Variants in ARHGEF4 observed in about 807,000 individuals in gnomAD.
ARHGEF4 encodes APC-stimulated guanine nucleotide exchange factor 1.
A neutral mutation model predicts 162.0 loss-of-function variants in ARHGEF4; 119 were observed. The ratio of observed to expected loss-of-function variants is 0.73; its 90% CI spans 0.63 to 0.86. The LOEUF (loss-of-function observed/expected upper bound fraction) is 0.86. ARHGEF4 is among the 40% of genes least tolerant of loss of function. ARHGEF4 has a pLI of 0.00. For missense variants in ARHGEF4, 2,488 were observed against 2,456.0 expected (o/e 1.01, Z -0.28); for synonymous variants, 1,014 against 979.9 (o/e 1.03, Z -0.65).
intron 4 of ARHGEF4, among the ~76,000 whole-genome samples, chr2:130,994,786 C>T (rs1021234782): frequency 5.9e-5 from 9 of 152,122 alleles, no homozygotes; most frequent in Non-Finnish European, 8.8e-5. Context: ...TTGTTTTCTT[C>T]TTATCTGAAA....
At position 131,040,036 on chromosome 2, in the gene ARHGEF4, G is replaced by A. The variant is rs567037996; in HGVS notation, c.4326G>A (p.Glu1442=). The A allele has an allele frequency of 1.9e-6, 3 of 1,568,044 alleles. No individual in the cohort carries two copies. The highest frequency in any genetic ancestry group is 2.4e-5 in the East Asian group (1 of 41,656). The change falls in exon 7 of 14, where the codon GAG becomes GAA. Residue 1442 remains glutamate, a synonymous_variant. Coordinates refer to ENST00000409359, the MANE Select transcript of ARHGEF4 (RefSeq NM_001367493.1). ...SFVRLRVNQD[E]PADDDAPLAG... Reference sequence around the variant, plus strand: ...TGCAGCTGAGGGTGAATCAGGACGAGCCCGCGGATGACGACGCCCCTCTGG... The same window carrying A: ...TGCAGCTGAGGGTGAATCAGGACGAACCCGCGGATGACGACGCCCCTCTGG...
chr2:131,011,663 C>T (rs1688458155), intron 4 of ARHGEF4: 3 of 1,535,234 alleles, frequency 2.0e-6, no homozygotes, highest in Middle Eastern at 1.7e-4. Flanking sequence ...AAGAGCCCAT[C>T]GGAGCTGATG....
chr2:130,879,224 T>C (rs1679044765), intron 1 of ARHGEF4, among the ~76,000 whole-genome samples: 1 of 152,248 alleles, frequency 6.6e-6, no homozygotes, highest in African/African-American at 2.4e-5. Context: ...GAGCAAATAT[T>C]GTGTGCAGAT....
At chr2:130,887,443 T>C (rs1466031678) in intron 1 of ARHGEF4, among the ~76,000 whole-genome samples, 2 of 152,134 alleles carry the variant, frequency 1.3e-5, no homozygotes, top group African/African-American at 4.8e-5. Flanking sequence ...AATTATAATT[T>C]TGTGAGAATT....
At chr2:130,900,735 G>A (rs1394528364) in intron 1 of ARHGEF4, among the ~76,000 whole-genome samples, 3 of 152,058 alleles carry the variant, frequency 2.0e-5, no homozygotes, top group Admixed American at 6.5e-5. Flanking sequence ...TGATGATTCT[G>A]GTTGTGACGA....
At chr2:131,019,412 CA>C (rs200279490) in intron 4 of ARHGEF4, among the ~76,000 whole-genome samples, 56 of 135,226 alleles carry the variant, frequency 4.1e-4, no homozygotes, top group East Asian at 6.5e-4. Flanking sequence ...AACTCTGTCT[CA>C]AAAAAAAAAA....
intron 4 of ARHGEF4, among the ~76,000 whole-genome samples, chr2:131,027,241 G>A (rs1472610465): frequency 6.6e-6 from 1 of 152,230 alleles, no homozygotes; most frequent in Non-Finnish European, 1.5e-5. Flanking sequence ...AACAATCACA[G>A]CTACACACAC....
At chr2:130,950,327 C>T (rs1207730463) in intron 4 of ARHGEF4, among the ~76,000 whole-genome samples, 2 of 152,154 alleles carry the variant, frequency 1.3e-5, no homozygotes, top group East Asian at 3.9e-4. Context: ...CACACCCGCC[C>T]CTCTCTCAGT....
At chr2:131,039,226 C>A in intron 6 of ARHGEF4, 194 bp downstream of exon 6, 1 of 1,248,914 alleles carries the variant, frequency 8.0e-7, no homozygotes, top group Non-Finnish European at 1.1e-6. Flanking sequence ...TTCTGGTGAG[C>A]CCTCGGGGGC....
chr2:130,966,225 C>T (rs925351277), intron 4 of ARHGEF4, among the ~76,000 whole-genome samples: 3 of 152,160 alleles, frequency 2.0e-5, no homozygotes, highest in South Asian at 4.1e-4. Flanking sequence ...GACCAATGCT[C>T]GATGTGTAAA....
intron 1 of ARHGEF4, among the ~76,000 whole-genome samples, chr2:130,879,270 A>G (rs1346482897): frequency 2.0e-5 from 3 of 152,212 alleles, no homozygotes; most frequent in Admixed American, 1.3e-4. Context: ...ATTCTTCTGT[A>G]TGGAAGATAT....
chr2:131,029,539 G>A (rs978997699), intron 5 of ARHGEF4, among the ~76,000 whole-genome samples: 7 of 130,364 alleles, frequency 5.4e-5, no homozygotes. Flanking sequence ...ACAAGGAATG[G>A]TTGTGCTTTT....
intron 3 of ARHGEF4, among the ~76,000 whole-genome samples, chr2:130,933,293 T>C (rs1047343210): frequency 2.0e-5 from 3 of 152,230 alleles, no homozygotes; most frequent in South Asian, 2.1e-4. Flanking sequence ...TTAACTTATA[T>C]GTCTGTCTTT....
At chr2:130,936,856 A>G (rs1333194343) in intron 3 of ARHGEF4, among the ~76,000 whole-genome samples, 1 of 150,724 alleles carries the variant, frequency 6.6e-6, no homozygotes, top group Non-Finnish European at 1.5e-5. Context: ...ATTTCTTCAG[A>G]AGTCTTTCTG....
At chr2:130,964,895 G>A (rs1422914443) in intron 4 of ARHGEF4, among the ~76,000 whole-genome samples, 1 of 152,216 alleles carries the variant, frequency 6.6e-6, no homozygotes, top group African/African-American at 2.4e-5. Context: ...CTGGTTGAGA[G>A]GAAGATTTTG....
At chr2:130,850,502 C>T (rs769991218) in intron 1 of ARHGEF4, among the ~76,000 whole-genome samples, 2 of 152,242 alleles carry the variant, frequency 1.3e-5, no homozygotes, top group South Asian at 2.1e-4. Flanking sequence ...AGCATCCAAA[C>T]GGCTGCTGCT....
In ARHGEF4 at chr2:130,916,198, C is replaced by G. The variant is rs2105057134; in HGVS notation, c.2252C>G (p.Pro751Arg). 1 of 1,547,344 alleles carries G rather than the reference C, an allele frequency of 6.5e-7. No individual in the cohort carries two copies. Among genetic ancestry groups the G allele is most frequent in the East Asian group, 2.5e-5 (1 of 40,808 alleles). Residue 751 changes from proline (P) to arginine (R), a missense_variant, in exon 2 of 14, where the codon CCG becomes CGG. Pro to Arg is a moderately radical substitution (Grantham distance 103). Transcript: ENST00000409359. ...SRSSGSGERG[P>R]EEAPEGGAAA... ...AGCTCCGGGTCAGGGGAGCGTGGCC[C>G]GGAGGAGGCCCCCGAAGGCGGTGCT...
intron 1 of ARHGEF4, among the ~76,000 whole-genome samples, chr2:130,869,267 C>A (rs1682514429): frequency 6.6e-6 from 1 of 152,022 alleles, no homozygotes; most frequent in Non-Finnish European, 1.5e-5. Flanking sequence ...GTAATCTGTG[C>A]CGGTGATGGA....
intron 4 of ARHGEF4, among the ~76,000 whole-genome samples, chr2:131,013,897 G>A (rs1221839684): frequency 6.6e-6 from 1 of 152,080 alleles, no homozygotes; most frequent in African/African-American, 2.4e-5. Context: ...CACCACACCC[G>A]GCCTAATTTG....
Sources: gnomAD v4.1 joint callset for allele counts (sites outside exome capture counted in the v4.1 genomes callset) on GRCh38, gnomAD v4.1.1 for gene constraint, MANE v1.5 for transcripts, NCBI Gene and HGNC (gene_info 2026-07-23, HGNC 2026-07-21) for gene names.